The following NEURL1 variants were observed in gnomAD, a reference collection of about 807,000 sequenced individuals.
NEURL1 encodes E3 ubiquitin-protein ligase NEURL1.
NEURL1 carries 26 observed loss-of-function variants against 41.2 expected under a neutral mutation model. The ratio of observed to expected loss-of-function variants is 0.63; its 90% CI spans 0.46 to 0.87. The LOEUF is 0.87. Among genes scored for constraint, NEURL1 ranks in the 40% least tolerant of loss-of-function variants. The pLI, the probability that NEURL1 is intolerant of heterozygous loss-of-function variation, is 0.00. For missense variants in NEURL1, 761 were observed against 871.1 expected (o/e 0.87, Z 1.59); for synonymous variants, 400 against 402.3 (o/e 0.99, Z 0.07).
intron 1 of NEURL1, among the ~76,000 whole-genome samples, chr10:103,553,058 C>T (rs115441816): frequency 0.014 from 2,125 of 152,186 alleles, 43 homozygotes; most frequent in African/African-American, 0.048. Flanking sequence ...CTGGCATGTG[C>T]GAGGGATTGG....
At chr10:103,561,139 C>A (rs944601370) in intron 1 of NEURL1, among the ~76,000 whole-genome samples, 2 of 152,200 alleles carry the variant, frequency 1.3e-5, no homozygotes, top group South Asian at 4.1e-4. Context: ...GGCCCCACAC[C>A]GTGGCAGCTG....
intron 1 of NEURL1, among the ~76,000 whole-genome samples, chr10:103,505,827 C>G (rs2033933787): frequency 6.6e-6 from 1 of 152,234 alleles, no homozygotes; most frequent in African/African-American, 2.4e-5. Flanking sequence ...CCAGAGTCAC[C>G]CCAGCCCTCC....
At chr10:103,554,359 G>T (rs905856841) in intron 1 of NEURL1, among the ~76,000 whole-genome samples, 1 of 152,234 alleles carries the variant, frequency 6.6e-6, no homozygotes. Flanking sequence ...TCAGTAGATG[G>T]CTGAGTGCGC....
At chr10:103,575,435 G>C (rs1010047497) in intron 3 of NEURL1, among the ~76,000 whole-genome samples, 1 of 152,170 alleles carries the variant, frequency 6.6e-6, no homozygotes, top group Non-Finnish European at 1.5e-5. Context: ...TGCCCCCTTT[G>C]TCTGAAGCCT....
chr10:103,516,245 G>T, intron 1 of NEURL1, among the ~76,000 whole-genome samples: 1 of 127,360 alleles, frequency 7.9e-6, no homozygotes, highest in East Asian at 2.4e-4. Flanking sequence ...AAAAAAAAAA[G>T]AAAAGAAAAA....
rs575518000 is a variant in NEURL1, at chr10:103,556,771, C to T, written c.86-14101C>T. ...CACTGCCAGTGGCCTGGGCCTTGGC[C>T]GGAGAGTTGGATTGGGCTGACCTGA... On this transcript the variant is annotated intron_variant, in intron 1 of 5. Coordinates refer to ENST00000369780, the MANE Select transcript of NEURL1 (RefSeq NM_004210.5). This position sits in a 1 kb window ranked among gnomAD's most constrained non-coding sequence, Gnocchi z 4.4. Among the ~76,000 whole-genome samples the T allele has an allele frequency of 6.4e-4, 98 of 152,262 alleles. No homozygotes were observed. Among genetic ancestry groups the T allele is most frequent in the African/African-American group, 1.5e-3 (62 of 41,562 alleles).
intron 1 of NEURL1, among the ~76,000 whole-genome samples, chr10:103,539,560 A>G (rs1331436438): frequency 6.6e-6 from 1 of 152,188 alleles, no homozygotes; most frequent in East Asian, 1.9e-4. Context: ...TATGGGTGGC[A>G]GTTCAGCTGG....
intron 1 of NEURL1, among the ~76,000 whole-genome samples, chr10:103,561,483 C>T (rs190938683): frequency 1.3e-4 from 20 of 152,254 alleles, no homozygotes; most frequent in Non-Finnish European, 1.9e-4. Flanking sequence ...AGGCTGGTCT[C>T]GATCTCCTGA....
intron 1 of NEURL1, chr10:103,555,215 G>A (rs868095081): frequency 5.3e-6 from 4 of 757,628 alleles, no homozygotes; most frequent in South Asian, 1.1e-4. Flanking sequence ...TGCCGGAGGG[G>A]GCGCGTGGGG....
chr10:103,588,169 G>C (rs942003149), intron 4 of NEURL1, among the ~76,000 whole-genome samples: 5 of 152,078 alleles, frequency 3.3e-5, no homozygotes, highest in African/African-American at 1.2e-4. Context: ...AGCTGGGCCT[G>C]GTGGCAGGCG....
Position 103,566,982 on chromosome 10 carries a change from CT to C in NEURL1, c.86-3876del, listed in dbSNP as rs796658971. ...GAAACTTTGTTTCTTTTCTTTCTTT[CT>C]TTTTTTTTTTTTTGTTTGAGACAGA... is the stretch of plus-strand genomic sequence containing the variant. On this transcript the variant is annotated intron_variant, in intron 1 of 5. Coordinates refer to ENST00000369780, the MANE Select transcript of NEURL1 (RefSeq NM_004210.5). This position sits in a 1 kb window ranked among gnomAD's most constrained non-coding sequence, Gnocchi z 4.2. 0.031 allele frequency among the ~76,000 whole-genome samples: 4,470 copies of C among 142,184 alleles called. 156 individuals are homozygous for C. The highest frequency in any genetic ancestry group is 0.092 in the African/African-American group (3,593 of 39,038). 93.3% of individuals were successfully genotyped at this position (142,184 alleles called of 152,430 possible). A position where few individuals can be genotyped will look rare whatever the true frequency, so the allele number is the denominator to read the frequency against.
intron 1 of NEURL1, among the ~76,000 whole-genome samples, chr10:103,506,151 T>C (rs967779619): frequency 6.6e-6 from 1 of 152,168 alleles, no homozygotes; most frequent in Non-Finnish European, 1.5e-5. Context: ...AGGATTAAGA[T>C]GATGGCAGGT....
At chr10:103,522,970 T>C (rs1353594327) in intron 1 of NEURL1, among the ~76,000 whole-genome samples, 1 of 152,164 alleles carries the variant, frequency 6.6e-6, no homozygotes, top group Non-Finnish European at 1.5e-5. Flanking sequence ...GTATATAATT[T>C]GACAGTATTT....
intron 1 of NEURL1, among the ~76,000 whole-genome samples, chr10:103,565,854 T>C (rs996478502): frequency 6.6e-5 from 10 of 152,104 alleles, no homozygotes; most frequent in African/African-American, 2.4e-4. Context: ...GGTTTTGCCA[T>C]GTTGCCCAGG....
chr10:103,584,759 C>T lies in NEURL1; in HGVS notation c.873C>T (p.Asp291=), dbSNP rs1303996033. The part of the protein sequence containing the change: ...QHSRALPAQL[D]GDLRFHALRA... ...GCCGCGCGCTGCCGGCGCAGCTCGACGGCGACCTGCGTTTCCACGCCCTGC... is the reference window on the plus strand; with the variant it reads ...GCCGCGCGCTGCCGGCGCAGCTCGATGGCGACCTGCGTTTCCACGCCCTGC... Residue 291 remains aspartate, a synonymous_variant, in exon 4 of 6, where the codon GAC becomes GAT. Transcript: ENST00000369780. 15 of 1,440,654 alleles carry T rather than the reference C, an allele frequency of 1.0e-5. No homozygotes were observed. The highest frequency in any genetic ancestry group is 1.5e-5 in the African/African-American group (1 of 66,920). The allele number at this position is 1,440,654 out of a possible 1,614,324, so 89.2% of individuals were successfully genotyped here. A position where few individuals can be genotyped will look rare whatever the true frequency, so the allele number is the denominator to read the frequency against.
intron 1 of NEURL1, among the ~76,000 whole-genome samples, chr10:103,520,649 C>T (rs2034326945): frequency 6.6e-6 from 1 of 152,034 alleles, no homozygotes; most frequent in Non-Finnish European, 1.5e-5. Context: ...ACATTCCTGT[C>T]TTCTTATATT....
intron 5 of NEURL1, 78 bp from the exon 6 acceptor site, chr10:103,590,056 G>A (rs937565213): frequency 2.5e-5 from 34 of 1,364,414 alleles, no homozygotes; most frequent in Non-Finnish European, 3.4e-5. Context: ...GACACAAGAG[G>A]CCGGGGAGCT....
chr10:103,538,932 C>G (rs2034758164), intron 1 of NEURL1, among the ~76,000 whole-genome samples: 1 of 146,966 alleles, frequency 6.8e-6, no homozygotes, highest in Admixed American at 6.8e-5. Flanking sequence ...CAGGCATGAG[C>G]CACCGCACCC....
rs541339836 is a variant in NEURL1 at position 103,546,709 on chromosome 10, G to A, written c.86-24163G>A. 7.9e-5 allele frequency among the ~76,000 whole-genome samples: 12 copies of A among 152,358 alleles called. 1 individual carries two copies. The East Asian group carries it at 2.3e-3, about 29-fold the overall frequency. ...GGCAGCAGATGTAATTTTCTGAATT[G>A]ATTTGGGTACTTATTTGTCAAGTTC... is the stretch of plus-strand genomic sequence containing the variant. On this transcript the variant is annotated intron_variant, in intron 1 of 5. Transcript: ENST00000369780.
Sources: gnomAD v4.1 joint callset for allele counts (sites outside exome capture counted in the v4.1 genomes callset) on GRCh38, gnomAD v4.1.1 for gene constraint, Gnocchi (gnomAD v3.1) non-coding constraint, MANE v1.5 for transcripts, NCBI Gene and HGNC (gene_info 2026-07-23, HGNC 2026-07-21) for gene names.